AKR1C4: variants seen among roughly 807,000 people sequenced by gnomAD.
The protein encoded by AKR1C4 is aldo-keto reductase family 1 member C4, also known as 3-alpha-HSD1.
Under a neutral mutation model 41.0 loss-of-function variants are expected in AKR1C4, and 44 were observed. The ratio of observed to expected loss-of-function variants is 1.07; its 90% CI spans 0.84 to 1.38. AKR1C4 has a LOEUF of 1.38. Ranked by LOEUF, AKR1C4 falls within the 40% of genes most tolerant of loss-of-function variation. The pLI is 0.00. For missense variants in AKR1C4, 438 were observed against 387.9 expected, an observed-to-expected ratio of 1.13 and a Z score of -1.09; for synonymous variants, 165 against 137.7, an observed-to-expected ratio of 1.20 and a Z score of -1.39.
intron 2 of AKR1C4, among the ~76,000 whole-genome samples, chr10:5,202,954 T>A (rs1378519913): frequency 9.7e-5 from 11 of 113,594 alleles, no homozygotes; most frequent in African/African-American, 3.8e-4. Flanking sequence ...TGTGTGTGTG[T>A]GTGTGTGTGT....
chr10:5,206,262 C>T lies in AKR1C4; in HGVS notation c.448-13C>T, dbSNP rs1355525926. Reference sequence around the variant, plus strand: ...ACTGCACAAATAATTCCTCACAACCCCTTTCTCCCCAGGTCATGGAGAAGT... The same window carrying T: ...ACTGCACAAATAATTCCTCACAACCTCTTTCTCCCCAGGTCATGGAGAAGT... On this transcript the variant is annotated splice_polypyrimidine_tract_variant and intron_variant, in intron 4 of 8. Coordinates refer to ENST00000263126, the MANE Select transcript of AKR1C4 (RefSeq NM_001818.5). The T allele has an allele frequency of 2.5e-6, 4 of 1,613,822 alleles. No individual in the cohort carries two copies. The Admixed American group carries it at 5.0e-5, about 20-fold the overall frequency.
chr10:5,202,552 G>C (rs1190888007), intron 2 of AKR1C4: 3 of 433,812 alleles, frequency 6.9e-6, no homozygotes, highest in Non-Finnish European at 1.4e-5. Flanking sequence ...TTTAATAGAA[G>C]TGGTAAAAAT....
At chr10:5,203,627 A>C (rs2132127636) in intron 2 of AKR1C4, among the ~76,000 whole-genome samples, 1 of 152,294 alleles carries the variant, frequency 6.6e-6, no homozygotes, top group South Asian at 2.1e-4. Flanking sequence ...CACTTCTTTC[A>C]AAGGGTCTGT....
intron 2 of AKR1C4, 74 bp from the exon 3 acceptor site, chr10:5,204,303 A>T: frequency 8.5e-7 from 1 of 1,178,992 alleles, no homozygotes; most frequent in Non-Finnish European, 1.2e-6. Context: ...AAAATGTCTA[A>T]ATATTAGGTG....
chr10:5,200,910 C>A (rs1398044957), intron 2 of AKR1C4, among the ~76,000 whole-genome samples: 1 of 152,050 alleles, frequency 6.6e-6, no homozygotes, highest in African/African-American at 2.4e-5. Flanking sequence ...GCCTCAAGCT[C>A]CAAGTTCCTG....
At chr10:5,203,285 G>A (rs1832430582) in intron 2 of AKR1C4, among the ~76,000 whole-genome samples, 1 of 152,108 alleles carries the variant, frequency 6.6e-6, no homozygotes, top group Admixed American at 6.6e-5. Flanking sequence ...TCAGTTAGGA[G>A]CTTCTTTCGA....
intron 2 of AKR1C4, among the ~76,000 whole-genome samples, chr10:5,203,353 CTG>C (rs1459912949): frequency 2.0e-5 from 3 of 152,290 alleles, no homozygotes; most frequent in East Asian, 1.9e-4. Flanking sequence ...CTGATGTCCC[CTG>C]TGAGATAAAA....
At chr10:5,214,764 T>G (rs1832632094) in intron 7 of AKR1C4, among the ~76,000 whole-genome samples, 1 of 150,762 alleles carries the variant, frequency 6.6e-6, no homozygotes, top group African/African-American at 2.4e-5. Flanking sequence ...AATTGTTAAA[T>G]TGATGACATT....
chr10:5,213,028 C>A lies in AKR1C4; in HGVS notation c.715C>A (p.Pro239Thr), dbSNP rs1554798105. ...AAACTCCCCAGTTCTTTTGGAGGAC[C>A]CAGTTCTTTGTGCCTTAGCAAAGAA... is the stretch of plus-strand genomic sequence containing the variant. ...DPNSPVLLEDPVLCALAKKHK... is the reference protein window; with the variant it reads ...DPNSPVLLEDTVLCALAKKHK... Residue 239 changes from proline to threonine, a missense_variant, in exon 7 of 9, where the codon CCA becomes ACA. Coordinates refer to ENST00000263126, the MANE Select transcript of AKR1C4 (RefSeq NM_001818.5). 2 of 1,614,070 alleles carry A rather than the reference C, an allele frequency of 1.2e-6. No individual in the cohort carries two copies. The highest frequency in any genetic ancestry group is 1.7e-5 in the Admixed American group (1 of 60,016).
Position 5,206,538 on chromosome 10 carries a change from G to A in AKR1C4, c.570+141G>A, listed in dbSNP as rs782811592. ...GCAAAACATCTGTCTAGAAGAAAACGGAAGACCCTTAATTGCACCTCTTCT... is the reference window on the plus strand; with the variant it reads ...GCAAAACATCTGTCTAGAAGAAAACAGAAGACCCTTAATTGCACCTCTTCT... On this transcript the variant is annotated intron_variant, in intron 5 of 8. Transcript: ENST00000263126. 174 of 1,454,126 alleles carry A rather than the reference G, an allele frequency of 1.2e-4. 1 individual carries two copies. Among genetic ancestry groups the A allele is most frequent in the Non-Finnish European group, 1.4e-4 (154 of 1,084,344 alleles). The allele number at this position is 1,454,126 out of a possible 1,614,324, so 90.1% of individuals were successfully genotyped here. A position where few individuals can be genotyped will look rare whatever the true frequency, so the allele number is the denominator to read the frequency against.
intron 3 of AKR1C4, among the ~76,000 whole-genome samples, chr10:5,205,448 G>C (rs1832469118): frequency 6.6e-6 from 1 of 152,166 alleles, no homozygotes; most frequent in African/African-American, 2.4e-5. Flanking sequence ...AGGGCTGTTT[G>C]AGTCAAAGAG....
chr10:5,197,950 C>T (rs1306572036), intron 1 of AKR1C4, among the ~76,000 whole-genome samples: 2 of 150,082 alleles, frequency 1.3e-5, no homozygotes, highest in Non-Finnish European at 2.9e-5. Flanking sequence ...GGTAGTGCAA[C>T]CTGGCATCTA....
At chr10:5,205,632 A>G in intron 3 of AKR1C4, 125 bp from the exon 4 acceptor site, 1 of 686,064 alleles carries the variant, frequency 1.5e-6, no homozygotes, top group Non-Finnish European at 2.4e-6. Context: ...CACTTGGCCC[A>G]CATCACTTTC....
At chr10:5,216,631 C>A (rs1832661451) in intron 7 of AKR1C4, 80 bp from the exon 8 acceptor site, 5 of 1,008,558 alleles carry the variant, frequency 5.0e-6, no homozygotes, top group South Asian at 4.3e-5. Context: ...TGCCTCTACA[C>A]CCTACTGTGT....
intron 8 of AKR1C4, among the ~76,000 whole-genome samples, 159 bp downstream of exon 8, chr10:5,216,952 C>G (rs1300626460): frequency 6.6e-6 from 1 of 152,210 alleles, no homozygotes. Flanking sequence ...CACTCCAGAG[C>G]TCTGTTCTCT....
intron 2 of AKR1C4, among the ~76,000 whole-genome samples, chr10:5,201,857 T>C (rs1832404299): frequency 6.6e-6 from 1 of 152,204 alleles, no homozygotes; most frequent in Non-Finnish European, 1.5e-5. Flanking sequence ...CACCATTTAT[T>C]GAATAGGGTT....
intron 2 of AKR1C4, among the ~76,000 whole-genome samples, chr10:5,200,805 T>C (rs1554796872): frequency 6.6e-6 from 1 of 152,168 alleles, no homozygotes; most frequent in African/African-American, 2.4e-5. Flanking sequence ...ATATAATCTG[T>C]ATATCTATAC....
At chr10:5,210,107 G>A (rs1832548909) in intron 5 of AKR1C4, among the ~76,000 whole-genome samples, 1 of 152,180 alleles carries the variant, frequency 6.6e-6, no homozygotes, top group Non-Finnish European at 1.5e-5. Flanking sequence ...TCATGTGGGA[G>A]AAATGGGCCA....
Position 5,207,468 on chromosome 10 carries a change from T to C in AKR1C4, c.570+1071T>C, listed in dbSNP as rs117896598. The C allele has an allele frequency of 1.6e-3, 615 of 383,254 alleles. 3 individuals carry two copies. The highest frequency in any genetic ancestry group is 2.6e-3 in the South Asian group (120 of 45,486). The allele number at this position is 383,254 out of a possible 1,614,324, so 23.7% of individuals were successfully genotyped here. A position where few individuals can be genotyped will look rare whatever the true frequency, so the allele number is the denominator to read the frequency against. ...ATGGCATTGTGTTTGTTGTGGACTG[T>C]TGATGTTAACAGGATGGAAGAAGTC... is the stretch of plus-strand genomic sequence containing the variant. On this transcript the variant is annotated intron_variant, in intron 5 of 8. Transcript: ENST00000263126.
Sources: gnomAD v4.1 joint callset for allele counts (sites outside exome capture counted in the v4.1 genomes callset) on GRCh38, gnomAD v4.1.1 for gene constraint, MANE v1.5 for transcripts, NCBI Gene and HGNC (gene_info 2026-07-23, HGNC 2026-07-21) for gene names.